Variants in BABAM2 observed in about 807,000 individuals in gnomAD.
The protein encoded by BABAM2 is BRISC and BRCA1 A complex member 2.
Under a neutral mutation model 54.7 loss-of-function variants are expected in BABAM2, and 31 were observed. The ratio of observed to expected loss-of-function variants is 0.57; its 90% confidence interval spans 0.43 to 0.77. The LOEUF is 0.77. BABAM2 is among the 30% of genes least tolerant of loss of function. The pLI, the probability that BABAM2 is intolerant of heterozygous loss-of-function variation, is 0.00. For synonymous variants in BABAM2, 167 were observed against 162.9 expected (o/e 1.03, Z -0.19); for missense variants, 364 against 455.8 (o/e 0.80, Z 1.83).
intron 1 of BABAM2, among the ~76,000 whole-genome samples, chr2:27,893,332 G>A (rs186913468): frequency 5.0e-3 from 766 of 152,244 alleles, no homozygotes; most frequent in Non-Finnish European, 7.7e-3. Flanking sequence ...TAAGTGTAAG[G>A]ACTTAGTGCC....
chr2:28,309,718 C>T, intron 11 of BABAM2: 1 of 219,018 alleles, frequency 4.6e-6, no homozygotes, highest in Non-Finnish European at 9.2e-6. Context: ...GACTGTCATC[C>T]CCTGTGGTTG....
At chr2:28,164,098 C>G (rs1673385539) in intron 7 of BABAM2, among the ~76,000 whole-genome samples, 1 of 152,166 alleles carries the variant, frequency 6.6e-6, no homozygotes, top group Admixed American at 6.5e-5. Flanking sequence ...ATCTTGATAC[C>G]AAGGATCATA....
At chr2:28,132,092 A>G (rs1232529242) in intron 7 of BABAM2, among the ~76,000 whole-genome samples, 1 of 151,766 alleles carries the variant, frequency 6.6e-6, no homozygotes, top group African/African-American at 2.4e-5. Context: ...CCAATCTCCA[A>G]AGTCCAGCTC....
chr2:28,293,502 C>T (rs978355226), intron 10 of BABAM2, among the ~76,000 whole-genome samples: 2 of 152,182 alleles, frequency 1.3e-5, no homozygotes, highest in African/African-American at 4.8e-5. Flanking sequence ...GCATGGTTGG[C>T]TGTTGTCTGG....
chr2:28,131,747 G>A (rs1481922340), intron 7 of BABAM2, among the ~76,000 whole-genome samples: 2 of 152,096 alleles, frequency 1.3e-5, no homozygotes, highest in Non-Finnish European at 2.9e-5. Context: ...GGATAAGTTG[G>A]GGCAGAAAAG....
chr2:28,184,253 T>C (rs1573779564), intron 7 of BABAM2, among the ~76,000 whole-genome samples: 78 of 71,404 alleles, frequency 1.1e-3, no homozygotes, highest in South Asian at 1.9e-3. Context: ...TCTCTCTCCC[T>C]CCCTCCCTCC....
At chr2:28,187,506 G>A (rs1216366750) in intron 7 of BABAM2, among the ~76,000 whole-genome samples, 1 of 152,028 alleles carries the variant, frequency 6.6e-6, no homozygotes, top group African/African-American at 2.4e-5. Flanking sequence ...ACAGTTCATG[G>A]GATTCTTTGT....
At chr2:27,950,074 C>G (rs1015365096) in intron 3 of BABAM2, among the ~76,000 whole-genome samples, 2 of 152,128 alleles carry the variant, frequency 1.3e-5, no homozygotes, top group Non-Finnish European at 2.9e-5. Flanking sequence ...TCCTAGACTT[C>G]CAGCAGGAGA....
rs1167440516 is a variant in BABAM2, at chr2:27,995,531, CT to C, written c.300+7446del. The stretch of plus-strand genomic sequence containing the variant: ...CACAACTAGATAATGGCAAACTTAT[CT>C]TCCAGTTTATTATTTTTCCTATTAA... On this transcript the variant is annotated intron_variant, in intron 4 of 11. Transcript: ENST00000379624. This position sits in a 1 kb window ranked among gnomAD's most constrained non-coding sequence, Gnocchi z 4.1. 6.6e-6 allele frequency among the ~76,000 whole-genome samples: 1 copy of C among 152,062 alleles called. No homozygotes were observed. The highest frequency in any genetic ancestry group is 1.5e-5 in the Non-Finnish European group (1 of 67,984).
chr2:28,141,167 A>T (rs1671019606), intron 7 of BABAM2, among the ~76,000 whole-genome samples: 1 of 152,156 alleles, frequency 6.6e-6, no homozygotes, highest in Admixed American at 6.5e-5. Context: ...TTTTGGGGGC[A>T]TAAATATTCG....
intron 2 of BABAM2, among the ~76,000 whole-genome samples, chr2:27,906,378 C>G (rs2148291944): frequency 6.6e-6 from 1 of 152,248 alleles, no homozygotes; most frequent in African/African-American, 2.4e-5. Context: ...AGCTGCCTGT[C>G]TAGACTTTTT....
At chr2:28,216,289 C>G (rs1679910100) in intron 7 of BABAM2, among the ~76,000 whole-genome samples, 1 of 152,136 alleles carries the variant, frequency 6.6e-6, no homozygotes, top group African/African-American at 2.4e-5. Context: ...AACCTAGCCT[C>G]CTTTACAATA....
Position 27,930,284 on chromosome 2 carries a change from C to T in BABAM2, c.205+376C>T, listed in dbSNP as rs560243950. On this transcript the variant is annotated intron_variant, in intron 3 of 11. Transcript: ENST00000379624. ...CTGCTGTCCATCACTGCTGCTAACC[C>T]CCCTGTGGAACCGCTGCGCCACGAC... 12 of 180,258 alleles carry T rather than the reference C, an allele frequency of 6.7e-5. No individual in the cohort carries two copies. The East Asian group carries it at 1.8e-3, about 27-fold the overall frequency. 11.2% of individuals were successfully genotyped at this position (180,258 alleles called of 1,614,324 possible).
At chr2:28,045,662 A>C in intron 5 of BABAM2, 63 bp from the exon 6 acceptor site, 2 of 1,422,232 alleles carry the variant, frequency 1.4e-6, no homozygotes, top group Non-Finnish European at 1.9e-6. Context: ...GGCCTTGGCT[A>C]TAATTGTCAC....
At chr2:27,999,662 G>A (rs1403086707) in intron 4 of BABAM2, among the ~76,000 whole-genome samples, 3 of 152,128 alleles carry the variant, frequency 2.0e-5, no homozygotes, top group African/African-American at 7.2e-5. Flanking sequence ...ATGATTTGAG[G>A]ATAATATTTT....
At chr2:27,986,532 A>G (rs1672412316) in intron 3 of BABAM2, among the ~76,000 whole-genome samples, 1 of 152,104 alleles carries the variant, frequency 6.6e-6, no homozygotes, top group African/African-American at 2.4e-5. Flanking sequence ...TTATTTTCTA[A>G]GAGTATACAG....
intron 3 of BABAM2, among the ~76,000 whole-genome samples, chr2:27,976,036 CAAT>C (rs1181676647): frequency 6.6e-6 from 1 of 151,996 alleles, no homozygotes; most frequent in African/African-American, 2.4e-5. Context: ...AAATCAATGA[CAAT>C]AATAACAAAA....
chr2:27,987,936 A>G, intron 3 of BABAM2, 57 bp from the exon 4 acceptor site: 1 of 1,456,918 alleles, frequency 6.9e-7, no homozygotes, highest in Admixed American at 1.7e-5. Flanking sequence ...TACAGTCTTC[A>G]GAATATTCAT....
chr2:28,107,429 A>C (rs1667623146), intron 6 of BABAM2, among the ~76,000 whole-genome samples: 1 of 152,190 alleles, frequency 6.6e-6, no homozygotes, highest in Non-Finnish European at 1.5e-5. Context: ...CTGGCCCTTA[A>C]ATGTGTTCAG....
Sources: gnomAD v4.1 joint callset for allele counts (sites outside exome capture counted in the v4.1 genomes callset) on GRCh38, gnomAD v4.1.1 for gene constraint, Gnocchi (gnomAD v3.1) non-coding constraint, MANE v1.5 for transcripts, NCBI Gene and HGNC (gene_info 2026-07-23, HGNC 2026-07-21) for gene names.